The following LAT variants were observed in gnomAD, a reference collection of about 807,000 sequenced individuals.
LAT encodes the protein linker for activation of T-cells family member 1.
In LAT, 12 loss-of-function variants were observed where a neutral mutation model predicts 39.1. That is an observed-to-expected ratio of 0.31 (90% CI 0.20 to 0.50). The LOEUF (loss-of-function observed/expected upper bound fraction) is 0.50, where lower values mean the gene tolerates loss of function less well. LAT is among the 20% of genes least tolerant of loss of function. LAT has a pLI of 0.98. For missense variants in LAT, 253 were observed against 308.0 expected, an observed-to-expected ratio of 0.82 and a Z score of 1.34; for synonymous variants, 117 against 123.8, an observed-to-expected ratio of 0.95 and a Z score of 0.36.
chr16:28,985,693 AC>A lies in LAT; in HGVS notation c.101-18del. The A allele has an allele frequency of 6.2e-7, 1 of 1,613,496 alleles. No homozygotes were observed. Among genetic ancestry groups the A allele is most frequent in the Non-Finnish European group, 8.5e-7 (1 of 1,179,866 alleles). On this transcript the variant is annotated intron_variant, in intron 1 of 11. Coordinates refer to ENST00000395456, the MANE Select transcript of LAT (RefSeq NM_001014987.2). This position sits in a 1 kb window ranked among gnomAD's most constrained non-coding sequence, Gnocchi z 4.6. ...CCTAAGCACCCCCTGTTCCTGCCTCACCAGCCCTCTCTTTCCCAGGCTCCTA... is the reference window on the plus strand; with the variant it reads ...CCTAAGCACCCCCTGTTCCTGCCTCACAGCCCTCTCTTTCCCAGGCTCCTA...
In LAT at chr16:28,986,274, C is replaced by T. The variant is rs1305292488; in HGVS notation, c.245+58C>T. 6.5e-7 allele frequency: 1 copy of T among 1,543,370 alleles called. No individual in the cohort carries two copies. The highest frequency in any genetic ancestry group is 8.9e-7 in the Non-Finnish European group (1 of 1,128,600). On this transcript the variant is annotated intron_variant, in intron 4 of 11. Coordinates refer to ENST00000395456, the MANE Select transcript of LAT (RefSeq NM_001014987.2). This position sits in a 1 kb window ranked among gnomAD's most constrained non-coding sequence, Gnocchi z 5.7. ...GCTCAGCCCCTCCCCCTCCAAACTC[C>T]ACTCTCTACCCCTTCACTTTTTTGG...
At position 28,990,024 on chromosome 16, in the gene LAT, G is replaced by C. The variant is rs748192459; in HGVS notation, c.*7+5G>C. On this transcript the variant is annotated splice_donor_5th_base_variant and intron_variant, in intron 11 of 11. Coordinates refer to ENST00000395456, the MANE Select transcript of LAT (RefSeq NM_001014987.2). ...AGGAGCTGAACTGAGGGCCTGGTGA[G>C]AGGCCTGCCCTGTCCCCACCCTGCC... 6.2e-7 allele frequency: 1 copy of C among 1,608,804 alleles called. No individual in the cohort carries two copies. Among genetic ancestry groups the C allele is most frequent in the South Asian group, 1.1e-5 (1 of 90,546 alleles).
Position 28,986,956 on chromosome 16 carries a change from C to G in LAT, c.493+63C>G, listed in dbSNP as rs1486499272. 5 of 1,353,718 alleles carry G rather than the reference C, an allele frequency of 3.7e-6. No homozygotes were observed. The African/African-American group carries it at 7.3e-5, about 20-fold the overall frequency. 83.9% of individuals were successfully genotyped at this position (1,353,718 alleles called of 1,614,324 possible). On this transcript the variant is annotated intron_variant, in intron 8 of 11. Transcript: ENST00000395456. This position sits in a 1 kb window ranked among gnomAD's most constrained non-coding sequence, Gnocchi z 5.7. ...AGGGATAGGCTGGAGTGCAGTGGTG[C>G]CATTGTAGCTCGCTGCAGCCTTGAA...
chr16:28,989,727 C>T (rs1965830980), intron 9 of LAT, 47 bp from the exon 10 acceptor site: 16 of 1,608,876 alleles, frequency 9.9e-6, no homozygotes, highest in Non-Finnish European at 1.4e-5. Context: ...CTCTCGCCCT[C>T]CTGACCCCTT....
At chr16:28,988,832 A>C (rs1397438316) in intron 8 of LAT, 1 of 152,298 alleles carries the variant, frequency 6.6e-6, no homozygotes, top group Non-Finnish European at 1.5e-5. Context: ...GGAGTTCAAG[A>C]CCAGCCTGGG....
Position 28,986,086 on chromosome 16 carries a change from C to A in LAT, c.164-49C>A. 1 of 1,482,108 alleles carries A rather than the reference C, an allele frequency of 6.7e-7. No homozygotes were observed. Among genetic ancestry groups the A allele is most frequent in the African/African-American group, 1.4e-5 (1 of 71,832 alleles). The allele number at this position is 1,482,108 out of a possible 1,614,324, so 91.8% of individuals were successfully genotyped here. A position where few individuals can be genotyped will look rare whatever the true frequency, so the allele number is the denominator to read the frequency against. On this transcript the variant is annotated intron_variant, in intron 3 of 11. Transcript: ENST00000395456. This position sits in a 1 kb window ranked among gnomAD's most constrained non-coding sequence, Gnocchi z 5.7. Reference sequence around the variant, plus strand: ...CAGGGGCTTAGTCTGTTCTTTGAGGCCTTGACGATGTCCGGAGTCCTTCTT... The same window carrying A: ...CAGGGGCTTAGTCTGTTCTTTGAGGACTTGACGATGTCCGGAGTCCTTCTT...
rs780191848 is a variant in LAT at position 28,986,760 on chromosome 16, G to C, written c.399-39G>C. ...TGGGAGGTGAGGGCTGAGGCTGTGCGTCCCCCCTTGCTCACCGGCCCTTTT... is the reference window on the plus strand; with the variant it reads ...TGGGAGGTGAGGGCTGAGGCTGTGCCTCCCCCCTTGCTCACCGGCCCTTTT... On this transcript the variant is annotated intron_variant, in intron 7 of 11. Coordinates refer to ENST00000395456, the MANE Select transcript of LAT (RefSeq NM_001014987.2). The surrounding 1 kb of genome is among the most constrained non-coding windows in gnomAD (Gnocchi z 5.7). The C allele has an allele frequency of 6.2e-7, 1 of 1,609,350 alleles. No individual in the cohort carries two copies. Among genetic ancestry groups the C allele is most frequent in the Admixed American group, 1.7e-5 (1 of 59,648 alleles).
chr16:28,985,312 C>T lies in LAT; in HGVS notation c.-106C>T. 2.6e-6 allele frequency: 4 copies of T among 1,537,120 alleles called. No individual in the cohort carries two copies. The highest frequency in any genetic ancestry group is 2.5e-5 in the South Asian group (2 of 81,548). ...CCCCTGCCACCTGGTGCCTACCTGCCCCCTGCTCCCTGCCGGGTCCGGTCC... is the reference window on the plus strand; with the variant it reads ...CCCCTGCCACCTGGTGCCTACCTGCTCCCTGCTCCCTGCCGGGTCCGGTCC... On this transcript the variant is annotated 5_prime_UTR_variant, in exon 1 of 12. Coordinates refer to ENST00000395456, the MANE Select transcript of LAT (RefSeq NM_001014987.2). The surrounding 1 kb of genome is among the most constrained non-coding windows in gnomAD (Gnocchi z 4.6).
Position 28,985,392 on chromosome 16 carries a change from C to G in LAT, c.-26C>G, listed in dbSNP as rs761564318. ...GCCCTTGAGGGGCCTAGGGGTGCAG[C>G]CAGCCTGCTCCGAGCTCCCCTGCAG... On this transcript the variant is annotated 5_prime_UTR_variant, in exon 1 of 12. Coordinates refer to ENST00000395456, the MANE Select transcript of LAT (RefSeq NM_001014987.2). This position sits in a 1 kb window ranked among gnomAD's most constrained non-coding sequence, Gnocchi z 4.6. 6.2e-7 allele frequency: 1 copy of G among 1,612,408 alleles called. No homozygotes were observed. Among genetic ancestry groups the G allele is most frequent in the African/African-American group, 1.3e-5 (1 of 74,902 alleles).
upstream of LAT, chr16:28,984,959 C>T (rs1182185009): frequency 2.0e-6 from 3 of 1,489,062 alleles, no homozygotes; most frequent in Non-Finnish European, 2.7e-6. Context: ...CGGGCCTCCT[C>T]CTGCCCCCTC....
At position 28,985,783 on chromosome 16, in the gene LAT, T is replaced by C. The variant is rs201009782; in HGVS notation, c.128+43T>C. The C allele has an allele frequency of 5.6e-6, 9 of 1,613,768 alleles. No homozygotes were observed. The East Asian group carries it at 1.6e-4, about 28-fold the overall frequency. ...GCCCTGGGTCTCCCTCCACACCCCA[T>C]GGCGGGGCAGGGCTGGGGCTTCCAT... On this transcript the variant is annotated intron_variant, in intron 2 of 11. Transcript: ENST00000395456. The surrounding 1 kb of genome is among the most constrained non-coding windows in gnomAD (Gnocchi z 4.6).
intron 8 of LAT, chr16:28,987,576 C>T (rs1965787036): frequency 6.6e-6 from 1 of 152,456 alleles, no homozygotes; most frequent in Non-Finnish European, 1.5e-5. Flanking sequence ...CTTTAGTTTT[C>T]TGTTGCTTTG....
chr16:28,986,921 A>T lies in LAT; in HGVS notation c.493+28A>T, dbSNP rs1186782965. 6 of 1,598,502 alleles carry T rather than the reference A, an allele frequency of 3.8e-6. No individual in the cohort carries two copies. The highest frequency in any genetic ancestry group is 1.7e-5 in the Admixed American group (1 of 59,126). ...GAGTCAGGCATTTGTTTTTATTTTT[A>T]AATTTTTTTAGGGATAGGCTGGAGT... On this transcript the variant is annotated intron_variant, in intron 8 of 11. Coordinates refer to ENST00000395456, the MANE Select transcript of LAT (RefSeq NM_001014987.2). This position sits in a 1 kb window ranked among gnomAD's most constrained non-coding sequence, Gnocchi z 5.7.
intron 8 of LAT, chr16:28,988,779 C>G (rs1965814853): frequency 6.6e-6 from 1 of 152,188 alleles, no homozygotes; most frequent in East Asian, 1.9e-4. Context: ...GCCTGTGATC[C>G]CAGCACTTTG....
At position 28,985,735 on chromosome 16, in the gene LAT, A is replaced by G; in HGVS notation, c.123A>G (p.Ser41=). ...RLPGSYDSTS[S]DSLYPRGIQF... ...CAGGCTCCTACGACAGCACATCCTC[A>G]GATAGGTGAGTCCGCCCCAGCCGCC... is the stretch of plus-strand genomic sequence containing the variant. The change falls in exon 2 of 12, where the codon TCA becomes TCG. Residue 41 remains serine, a synonymous_variant. Transcript: ENST00000395456. This position sits in a 1 kb window ranked among gnomAD's most constrained non-coding sequence, Gnocchi z 4.6. The G allele has an allele frequency of 6.2e-7, 1 of 1,614,008 alleles. No homozygotes were observed. Among genetic ancestry groups the G allele is most frequent in the Non-Finnish European group, 8.5e-7 (1 of 1,179,958 alleles).
In LAT at chr16:28,985,617, C is replaced by G; in HGVS notation, c.101-96C>G. 2 of 1,605,344 alleles carry G rather than the reference C, an allele frequency of 1.2e-6. No individual in the cohort carries two copies. The highest frequency in any genetic ancestry group is 1.7e-6 in the Non-Finnish European group (2 of 1,172,904). On this transcript the variant is annotated intron_variant, in intron 1 of 11. Coordinates refer to ENST00000395456, the MANE Select transcript of LAT (RefSeq NM_001014987.2). The surrounding 1 kb of genome is among the most constrained non-coding windows in gnomAD (Gnocchi z 4.6). ...GTCTGTCCTGGCTCTGTCCCTGCCT[C>G]CGTCCTGATCCCAGCGCCTCTGAGA...
rs1346417851 is a variant in LAT at position 28,985,219 on chromosome 16, T to G, written c.-199T>G. ...TTTCCACAGTCAGCTGGACGCACAC[T>G]CAGCCCAGTAAAAGAGGGGACCCAT... On this transcript the variant is annotated 5_prime_UTR_variant, in exon 1 of 12. Transcript: ENST00000395456. This position sits in a 1 kb window ranked among gnomAD's most constrained non-coding sequence, Gnocchi z 4.6. 4 of 1,432,882 alleles carry G rather than the reference T, an allele frequency of 2.8e-6. No individual in the cohort carries two copies. In the African/African-American group the frequency reaches 4.3e-5, roughly 15 times the overall value. 88.8% of individuals were successfully genotyped at this position (1,432,882 alleles called of 1,614,324 possible). A position where few individuals can be genotyped will look rare whatever the true frequency, so the allele number is the denominator to read the frequency against.
In LAT at chr16:28,985,939, G is replaced by A; in HGVS notation, c.163+51G>A. 1 of 1,594,716 alleles carries A rather than the reference G, an allele frequency of 6.3e-7. No homozygotes were observed. The highest frequency in any genetic ancestry group is 8.6e-7 in the Non-Finnish European group (1 of 1,162,340). ...TTGGGTGCCAGGGAGAGGGTCCCCT[G>A]GTGTGGGAGTGAGCGTGAACCTTCA... On this transcript the variant is annotated intron_variant, in intron 3 of 11. Coordinates refer to ENST00000395456, the MANE Select transcript of LAT (RefSeq NM_001014987.2). This position sits in a 1 kb window ranked among gnomAD's most constrained non-coding sequence, Gnocchi z 4.6.
At chr16:28,984,967 C>G (rs1965706980), upstream of LAT, 4 of 1,477,422 alleles carry the variant, frequency 2.7e-6, no homozygotes, top group Non-Finnish European at 3.6e-6. Flanking sequence ...CTCCTGCCCC[C>G]TCCCCACTGG....
Sources: gnomAD v4.1 joint callset for allele counts on GRCh38, gnomAD v4.1.1 for gene constraint, Gnocchi (gnomAD v3.1) non-coding constraint, MANE v1.5 for transcripts, NCBI Gene and HGNC (gene_info 2026-07-23, HGNC 2026-07-21) for gene names.